The following WSCD2 variants were observed in gnomAD, a reference collection of about 807,000 sequenced individuals.
WSCD2 encodes sialate:O-sulfotransferase 2.
Under a neutral mutation model 55.7 loss-of-function variants are expected in WSCD2, and 28 were observed. The ratio of observed to expected loss-of-function variants is 0.50; its 90% confidence interval spans 0.37 to 0.69. The LOEUF is 0.69. WSCD2 is among the 30% of genes least tolerant of loss of function. The pLI is 0.00. For synonymous variants in WSCD2, 301 were observed against 301.9 expected, an observed-to-expected ratio of 1.00 and a Z score of 0.03; for missense variants, 616 against 762.1, an observed-to-expected ratio of 0.81 and a Z score of 2.26.
intron 2 of WSCD2, chr12:108,196,506 C>T (rs560951106): frequency 1.4e-5 from 5 of 362,442 alleles, no homozygotes; most frequent in African/African-American, 1.0e-4. Flanking sequence ...CTTTTACAGT[C>T]CTTGTTAAAT....
intron 1 of WSCD2, among the ~76,000 whole-genome samples, chr12:108,139,960 G>A (rs1209397040): frequency 2.0e-5 from 3 of 152,058 alleles, no homozygotes; most frequent in African/African-American, 7.2e-5. Context: ...GGCCACTGGC[G>A]TCACCTTTCT....
intron 1 of WSCD2, among the ~76,000 whole-genome samples, chr12:108,163,162 C>T (rs564310530): frequency 3.3e-5 from 5 of 152,218 alleles, no homozygotes; most frequent in Admixed American, 2.6e-4. Flanking sequence ...CGTAAAAAGT[C>T]TATACCATCC....
At chr12:108,226,429 T>A (rs1357210216) in intron 5 of WSCD2, among the ~76,000 whole-genome samples, 2 of 152,108 alleles carry the variant, frequency 1.3e-5, no homozygotes. Flanking sequence ...ATGGGTCTCA[T>A]ATCACCATCT....
chr12:108,166,763 T>TC (rs57041629), intron 1 of WSCD2, among the ~76,000 whole-genome samples: 17 of 129,010 alleles, frequency 1.3e-4, no homozygotes, highest in African/African-American at 4.0e-4. Flanking sequence ...TTTCTTTCTT[T>TC]TCTTTCTTTC....
At chr12:108,218,191 T>C (rs374166329) in intron 4 of WSCD2, among the ~76,000 whole-genome samples, 3 of 152,326 alleles carry the variant, frequency 2.0e-5, no homozygotes, top group South Asian at 4.1e-4. Context: ...GACTCTGAAA[T>C]GAGAGGAAAC....
At chr12:108,196,931 T>C (rs1430635971) in intron 2 of WSCD2, 2 of 152,260 alleles carry the variant, frequency 1.3e-5, no homozygotes, top group Non-Finnish European at 2.9e-5. Flanking sequence ...AAACTGAGGC[T>C]TGAAGAAGGG....
At chr12:108,170,974 C>T (rs1433905824) in intron 1 of WSCD2, among the ~76,000 whole-genome samples, 1 of 152,108 alleles carries the variant, frequency 6.6e-6, no homozygotes, top group Non-Finnish European at 1.5e-5. Flanking sequence ...ACCAGACTGG[C>T]TTCAGAGCAT....
chr12:108,131,411 C>T (rs1489923988), intron 1 of WSCD2, among the ~76,000 whole-genome samples: 1 of 152,154 alleles, frequency 6.6e-6, no homozygotes. Flanking sequence ...ATTTAAGAGA[C>T]CTAGGTCTCA....
At chr12:108,201,753 T>C (rs751341038) in intron 2 of WSCD2, among the ~76,000 whole-genome samples, 4 of 152,180 alleles carry the variant, frequency 2.6e-5, no homozygotes, top group Non-Finnish European at 5.9e-5. Flanking sequence ...TACAAATTAG[T>C]TCATGTTTAG....
intron 1 of WSCD2, among the ~76,000 whole-genome samples, chr12:108,158,002 C>A (rs1302331659): frequency 6.6e-6 from 1 of 152,170 alleles, no homozygotes; most frequent in African/African-American, 2.4e-5. Context: ...CCAGCCACTA[C>A]AGGCTGTCTG....
At position 108,152,401 on chromosome 12, in the gene WSCD2, T is replaced by C. The variant is rs1437606672; in HGVS notation, c.-552+22475T>C. On this transcript the variant is annotated intron_variant, in intron 1 of 8. Coordinates refer to ENST00000547525, the MANE Select transcript of WSCD2 (RefSeq NM_014653.4). ...GCTCCTGGGCACAGGACATGTGCGCTGGGCTCCCACAGGCTCCAGCCAGGC... is the reference window on the plus strand; with the variant it reads ...GCTCCTGGGCACAGGACATGTGCGCCGGGCTCCCACAGGCTCCAGCCAGGC... Among the ~76,000 whole-genome samples, 5 of 152,172 alleles carry C rather than the reference T, an allele frequency of 3.3e-5. No homozygotes were observed. In the East Asian group the frequency reaches 7.7e-4, roughly 24 times the overall value.
intron 4 of WSCD2, among the ~76,000 whole-genome samples, chr12:108,212,308 G>A (rs755200985): frequency 1.1e-4 from 16 of 152,142 alleles, no homozygotes; most frequent in Non-Finnish European, 2.2e-4. Context: ...CTGAAGAGAT[G>A]ACCTGAAAGT....
chr12:108,236,531 C>T (rs138266460), intron 7 of WSCD2, among the ~76,000 whole-genome samples: 301 of 152,284 alleles, frequency 2.0e-3, no homozygotes, highest in African/African-American at 6.8e-3. Flanking sequence ...GCATGGTTTT[C>T]TCTGTCTCTG....
intron 4 of WSCD2, among the ~76,000 whole-genome samples, chr12:108,219,957 G>A (rs1337183050): frequency 5.9e-5 from 9 of 152,190 alleles, no homozygotes; most frequent in African/African-American, 2.2e-4. Context: ...AGACTCCAGT[G>A]TCAGGCAACC....
chr12:108,149,065 C>T lies in WSCD2; in HGVS notation c.-552+19139C>T, dbSNP rs140333461. Among the ~76,000 whole-genome samples, 425 of 152,322 alleles carry T rather than the reference C, an allele frequency of 2.8e-3. 2 individuals carry two copies. Among genetic ancestry groups the T allele is most frequent in the African/African-American group, 9.9e-3 (413 of 41,568 alleles). On this transcript the variant is annotated intron_variant, in intron 1 of 8. Transcript: ENST00000547525. ...AGGAGACATGATCAAAGGATTCTCA[C>T]TGGCGTGCTAATTATGGAAGGCTTC...
chr12:108,220,141 T>C (rs773839859), intron 4 of WSCD2, among the ~76,000 whole-genome samples: 6 of 152,190 alleles, frequency 3.9e-5, no homozygotes, highest in Non-Finnish European at 5.9e-5. Flanking sequence ...CATTCCTAGG[T>C]TGGAATCCAG....
chr12:108,220,570 A>C (rs2081663919), intron 4 of WSCD2, among the ~76,000 whole-genome samples: 1 of 152,228 alleles, frequency 6.6e-6, no homozygotes, highest in South Asian at 2.1e-4. Context: ...CACTCTGTCA[A>C]CCAGGCTGGA....
chr12:108,135,844 C>G (rs1175215418), intron 1 of WSCD2, among the ~76,000 whole-genome samples: 6 of 111,280 alleles, frequency 5.4e-5, no homozygotes, highest in Non-Finnish European at 9.9e-5. Flanking sequence ...TTTATTGCAA[C>G]TCAGCTAAGC....
At chr12:108,133,432 G>T (rs1340857036) in intron 1 of WSCD2, among the ~76,000 whole-genome samples, 2 of 152,134 alleles carry the variant, frequency 1.3e-5, no homozygotes, top group Non-Finnish European at 2.9e-5. Flanking sequence ...TAACTTTTGT[G>T]CATGTCTGTG....
Sources: allele counts gnomAD v4.1 joint callset (sites outside exome capture counted in the v4.1 genomes callset), GRCh38; gene constraint gnomAD v4.1.1; transcripts MANE v1.5; gene names NCBI Gene and HGNC (gene_info 2026-07-23, HGNC 2026-07-21).